Variants in ARMC9 observed in about 807,000 individuals in gnomAD.
ARMC9 encodes lisH domain-containing protein ARMC9.
In ARMC9, 94 loss-of-function variants were observed where a neutral mutation model predicts 107.0. The ratio of observed to expected loss-of-function variants is 0.88; its 90% confidence interval spans 0.74 to 1.04. The LOEUF (loss-of-function observed/expected upper bound fraction) is 1.04. Among genes scored for constraint, ARMC9 ranks in the 50% least tolerant of loss-of-function variants. The pLI is 0.00. For synonymous variants in ARMC9, 380 were observed against 396.9 expected, an observed-to-expected ratio of 0.96 and a Z score of 0.51; for missense variants, 942 against 1,030.1, an observed-to-expected ratio of 0.91 and a Z score of 1.17.
At chr2:231,311,042 G>A (rs1272805746) in intron 19 of ARMC9, among the ~76,000 whole-genome samples, 1 of 152,082 alleles carries the variant, frequency 6.6e-6, no homozygotes, top group African/African-American at 2.4e-5. Flanking sequence ...TGGGAAGATC[G>A]CTTGAGCCCA....
chr2:231,336,969 A>C (rs1446918999), intron 20 of ARMC9, among the ~76,000 whole-genome samples: 1 of 152,134 alleles, frequency 6.6e-6, no homozygotes, highest in Non-Finnish European at 1.5e-5. Flanking sequence ...GGGCCCTGGG[A>C]TCCTGCTGTA....
intron 20 of ARMC9, among the ~76,000 whole-genome samples, chr2:231,342,691 G>A (rs761018362): frequency 2.1e-4 from 32 of 152,138 alleles, no homozygotes; most frequent in Non-Finnish European, 4.1e-4. Context: ...AAGTTACAGT[G>A]GAAGCAGACA....
At chr2:231,217,567 CAAA>C (rs544667326) in intron 5 of ARMC9, among the ~76,000 whole-genome samples, 8 of 122,444 alleles carry the variant, frequency 6.5e-5, no homozygotes, top group Middle Eastern at 4.9e-3. Flanking sequence ...GACCTTGTCT[CAAA>C]AAAAAAAAAA....
chr2:231,238,723 A>G (rs974007351), intron 8 of ARMC9, among the ~76,000 whole-genome samples: 2 of 152,196 alleles, frequency 1.3e-5, no homozygotes, highest in African/African-American at 4.8e-5. Flanking sequence ...TGGACTCAGG[A>G]TAATATAGGA....
intron 8 of ARMC9, among the ~76,000 whole-genome samples, chr2:231,238,740 G>T (rs1484055598): frequency 6.6e-6 from 1 of 152,218 alleles, no homozygotes; most frequent in African/African-American, 2.4e-5. Flanking sequence ...AGGAGGTCTA[G>T]CCCTGGGATG....
At chr2:231,283,820 TCTC>T (rs1559403427) in intron 17 of ARMC9, among the ~76,000 whole-genome samples, 4 of 152,112 alleles carry the variant, frequency 2.6e-5, no homozygotes, top group African/African-American at 9.7e-5. Flanking sequence ...GCAGCCTCCA[TCTC>T]CTAGGCTCAA....
At chr2:231,250,422 C>T (rs1242693650) in intron 9 of ARMC9, among the ~76,000 whole-genome samples, 1 of 152,176 alleles carries the variant, frequency 6.6e-6, no homozygotes, top group Non-Finnish European at 1.5e-5. Context: ...GCCACATATC[C>T]CCTATGGGCA....
chr2:231,324,563 C>A (rs947892297), intron 19 of ARMC9, among the ~76,000 whole-genome samples: 1 of 150,178 alleles, frequency 6.7e-6, no homozygotes, highest in Non-Finnish European at 1.5e-5. Context: ...ACCAGCCTGA[C>A]CAACATGAAG....
At chr2:231,338,535 CTTTTTTT>C (rs764466867) in intron 20 of ARMC9, among the ~76,000 whole-genome samples, 16 of 104,828 alleles carry the variant, frequency 1.5e-4, no homozygotes, top group South Asian at 6.0e-4. Flanking sequence ...CCCCAATTCA[CTTTTTTT>C]TTTTTTTTTT....
intron 6 of ARMC9, among the ~76,000 whole-genome samples, chr2:231,225,134 GA>G (rs2034518190): frequency 6.6e-6 from 1 of 152,210 alleles, no homozygotes; most frequent in Admixed American, 6.5e-5. Context: ...GGAAAGTACA[GA>G]AAGGTTTTTA....
intron 19 of ARMC9, among the ~76,000 whole-genome samples, chr2:231,329,367 G>A (rs1669073): frequency 0.32 from 49,352 of 151,894 alleles, 8,169 homozygotes; most frequent in Middle Eastern, 0.38. Flanking sequence ...CTGGAGTGCA[G>A]TGGCGTGATC....
At chr2:231,281,370 G>A (rs995213975) in intron 16 of ARMC9, among the ~76,000 whole-genome samples, 5 of 152,154 alleles carry the variant, frequency 3.3e-5, no homozygotes, top group African/African-American at 1.2e-4. Flanking sequence ...CTGGTGGGGG[G>A]CATCCCTTAG....
chr2:231,361,310 G>A (rs894685304), intron 23 of ARMC9, among the ~76,000 whole-genome samples: 1 of 151,810 alleles, frequency 6.6e-6, no homozygotes, highest in African/African-American at 2.4e-5. Context: ...ACAGAAACTG[G>A]GCCTCCAGGC....
chr2:231,206,236 A>C lies in ARMC9; in HGVS notation c.-3A>C. ...GAGAATTAATTACCAGTAACAGTTC[A>C]ATATGGGGGACATTCTGGCTCATGA... On this transcript the variant is annotated 5_prime_UTR_variant, in exon 2 of 25. Transcript: ENST00000611582. 6.2e-7 allele frequency: 1 copy of C among 1,613,472 alleles called. No homozygotes were observed. Among genetic ancestry groups the C allele is most frequent in the Non-Finnish European group, 8.5e-7 (1 of 1,179,438 alleles).
At position 231,213,700 on chromosome 2, in the gene ARMC9, C is replaced by T. The variant is rs1478458037; in HGVS notation, c.178-1131C>T. On this transcript the variant is annotated intron_variant, in intron 3 of 24. Coordinates refer to ENST00000611582, the MANE Select transcript of ARMC9 (RefSeq NM_001352754.2). The stretch of plus-strand genomic sequence containing the variant: ...TCATGTTGATCAGGCTGGTCTCGAA[C>T]TCCTGACCTTGTGATCCACCTGCCT... Among the ~76,000 whole-genome samples, 5 of 152,184 alleles carry T rather than the reference C, an allele frequency of 3.3e-5. No homozygotes were observed. In the Middle Eastern group the frequency reaches 0.01, roughly 311 times the overall value.
At chr2:231,256,691 T>A (rs1423307818) in intron 10 of ARMC9, 71 bp downstream of exon 10, 1 of 1,512,072 alleles carries the variant, frequency 6.6e-7, no homozygotes, top group Non-Finnish European at 9.2e-7. Flanking sequence ...CAAAGTGTCT[T>A]TAATAAACAC....
chr2:231,369,897 C>G, intron 23 of ARMC9, 56 bp from the exon 24 acceptor site: 1 of 1,396,720 alleles, frequency 7.2e-7, no homozygotes. Flanking sequence ...CCCGGCCCCT[C>G]CTGTGGTTTC....
At chr2:231,261,182 T>C (rs73096120) in intron 11 of ARMC9, among the ~76,000 whole-genome samples, 17,822 of 152,004 alleles carry the variant, frequency 0.12, 2,038 homozygotes, top group African/African-American at 0.29. Flanking sequence ...TCTAGTAGGA[T>C]TTTCCTGAAA....
At chr2:231,284,627 A>G (rs924886821) in intron 17 of ARMC9, among the ~76,000 whole-genome samples, 1 of 152,218 alleles carries the variant, frequency 6.6e-6, no homozygotes, top group Non-Finnish European at 1.5e-5. Flanking sequence ...GAAAGTAAGC[A>G]AGACAGAAGC....
Sources: gnomAD v4.1 joint callset for allele counts (sites outside exome capture counted in the v4.1 genomes callset) on GRCh38, gnomAD v4.1.1 for gene constraint, MANE v1.5 for transcripts, NCBI Gene and HGNC (gene_info 2026-07-23, HGNC 2026-07-21) for gene names.